The following GUCY1A2 variants were observed in gnomAD, a reference collection of about 807,000 sequenced individuals.
GUCY1A2 encodes the protein guanylate cyclase 1 soluble subunit alpha 2.
GUCY1A2 carries 27 observed loss-of-function variants against 63.5 expected under a neutral mutation model. The ratio of observed to expected loss-of-function variants is 0.43; its 90% CI spans 0.31 to 0.59. GUCY1A2 has a LOEUF of 0.59. Among genes scored for constraint, GUCY1A2 ranks in the 20% least tolerant of loss-of-function variants. The pLI, the probability that GUCY1A2 is intolerant of heterozygous loss-of-function variation, is 0.11. For synonymous variants in GUCY1A2, 364 were observed against 343.5 expected (o/e 1.06, Z -0.66); for missense variants, 768 against 913.3 (o/e 0.84, Z 2.05).
At chr11:106,993,924 T>A (rs1278817341) in intron 1 of GUCY1A2, among the ~76,000 whole-genome samples, 1 of 152,166 alleles carries the variant, frequency 6.6e-6, no homozygotes, top group Non-Finnish European at 1.5e-5. Context: ...GAAGTTCAGA[T>A]AATTAGTTAC....
chr11:106,979,193 C>T (rs1490346675), intron 2 of GUCY1A2, among the ~76,000 whole-genome samples: 3 of 152,276 alleles, frequency 2.0e-5, no homozygotes, highest in East Asian at 1.9e-4. Context: ...CGGTGGCTCA[C>T]GCCTGTAATC....
intron 3 of GUCY1A2, among the ~76,000 whole-genome samples, chr11:106,940,719 C>G (rs954528152): frequency 6.6e-6 from 1 of 152,112 alleles, no homozygotes; most frequent in Non-Finnish European, 1.5e-5. Context: ...CCTAAAAATC[C>G]TGTTTATCCC....
At chr11:106,817,449 AT>A (rs1435745503) in intron 4 of GUCY1A2, among the ~76,000 whole-genome samples, 3 of 152,104 alleles carry the variant, frequency 2.0e-5, no homozygotes, top group Non-Finnish European at 4.4e-5. Flanking sequence ...CTGAACAGCA[AT>A]TTTTTGGACA....
chr11:106,898,932 G>A (rs1860088485), intron 4 of GUCY1A2, among the ~76,000 whole-genome samples: 1 of 152,118 alleles, frequency 6.6e-6, no homozygotes, highest in African/African-American at 2.4e-5. Flanking sequence ...GATAATAGAA[G>A]GCTATGCCTG....
At chr11:106,696,301 T>C (rs186788087) in intron 7 of GUCY1A2, among the ~76,000 whole-genome samples, 5 of 152,310 alleles carry the variant, frequency 3.3e-5, no homozygotes, top group African/African-American at 1.2e-4. Flanking sequence ...GATATGTCTA[T>C]AGACAGAACT....
chr11:106,936,705 T>C, intron 4 of GUCY1A2: 2 of 1,497,992 alleles, frequency 1.3e-6, no homozygotes, highest in Non-Finnish European at 1.8e-6. Flanking sequence ...CTCGGTGACA[T>C]GCTTGCTCTT....
At chr11:106,772,996 A>G (rs1864284490) in intron 6 of GUCY1A2, among the ~76,000 whole-genome samples, 2 of 152,230 alleles carry the variant, frequency 1.3e-5, no homozygotes, top group Admixed American at 1.3e-4. Flanking sequence ...CATTTTCATC[A>G]CTGGTAGGAG....
chr11:106,933,277 T>C (rs1860628897), intron 4 of GUCY1A2, among the ~76,000 whole-genome samples: 1 of 151,906 alleles, frequency 6.6e-6, no homozygotes, highest in Non-Finnish European at 1.5e-5. Context: ...CCATTAAAAA[T>C]AGGCAAAATA....
chr11:106,980,978 T>G (rs551552387), intron 2 of GUCY1A2, among the ~76,000 whole-genome samples: 1 of 152,198 alleles, frequency 6.6e-6, no homozygotes, highest in Non-Finnish European at 1.5e-5. Flanking sequence ...CTGTAAAATG[T>G]GCTTAATACA....
At position 106,961,662 on chromosome 11, in the gene GUCY1A2, C is replaced by T. The variant is rs544956429; in HGVS notation, c.487+16957G>A. Among the ~76,000 whole-genome samples, 16 of 152,286 alleles carry T rather than the reference C, an allele frequency of 1.1e-4. 1 individual carries two copies. The South Asian group carries it at 2.1e-3, about 20-fold the overall frequency. Reference sequence around the variant, plus strand: ...TCTTAAGTGTGCTTCAAAAAAGAGTCACAATTAAAGAAGCAAGCTGACTTT... The same window carrying T: ...TCTTAAGTGTGCTTCAAAAAAGAGTTACAATTAAAGAAGCAAGCTGACTTT... On this transcript the variant is annotated intron_variant, in intron 3 of 7. Transcript: ENST00000526355.
In GUCY1A2 at chr11:106,679,934, T is replaced by A. The variant is rs1862405343; in HGVS notation, c.*7615A>T. 4.6e-6 allele frequency: 1 copy of A among 218,714 alleles called. No homozygotes were observed. The highest frequency in any genetic ancestry group is 1.8e-4 in the South Asian group (1 of 5,424). The allele number at this position is 218,714 out of a possible 1,614,324, so 13.5% of individuals were successfully genotyped here. A position where few individuals can be genotyped will look rare whatever the true frequency, so the allele number is the denominator to read the frequency against. On this transcript the variant is annotated 3_prime_UTR_variant, in exon 8 of 8. Coordinates refer to ENST00000526355, the MANE Select transcript of GUCY1A2 (RefSeq NM_000855.3). ...GGTTGGCACTACCTCCTAGGAAAAC[T>A]AAAAATGGCTTGTGAAGGGTTTCTC...
intron 4 of GUCY1A2, among the ~76,000 whole-genome samples, chr11:106,906,124 A>C (rs1860201646): frequency 1.3e-5 from 2 of 152,226 alleles, no homozygotes; most frequent in Admixed American, 1.3e-4. Flanking sequence ...GATTCTGTGC[A>C]GCAAAAGAAA....
chr11:106,892,003 G>C (rs1177034515), intron 4 of GUCY1A2, among the ~76,000 whole-genome samples: 3 of 152,038 alleles, frequency 2.0e-5, no homozygotes, highest in Non-Finnish European at 4.4e-5. Flanking sequence ...CTCAATGACA[G>C]TTTTTAAATC....
intron 6 of GUCY1A2, among the ~76,000 whole-genome samples, chr11:106,766,570 CAA>C (rs1227619227): frequency 1.3e-5 from 2 of 151,224 alleles, no homozygotes; most frequent in Non-Finnish European, 3.0e-5. Context: ...TTTTAGAAAA[CAA>C]ATAAAGAGAT....
chr11:106,680,735 G>A lies in GUCY1A2; in HGVS notation c.*6814C>T, dbSNP rs1172699788. 2 of 206,164 alleles carry A rather than the reference G, an allele frequency of 9.7e-6. No individual in the cohort carries two copies. The highest frequency in any genetic ancestry group is 2.0e-5 in the Non-Finnish European group (2 of 100,902). 12.8% of individuals were successfully genotyped at this position (206,164 alleles called of 1,614,324 possible). Reference sequence around the variant, plus strand: ...GAAATTTTCCAAACTGTGGGCAGGAGAATGCTAAAATTAAGTTTTGCTATG... The same window carrying A: ...GAAATTTTCCAAACTGTGGGCAGGAAAATGCTAAAATTAAGTTTTGCTATG... On this transcript the variant is annotated 3_prime_UTR_variant, in exon 8 of 8. Coordinates refer to ENST00000526355, the MANE Select transcript of GUCY1A2 (RefSeq NM_000855.3).
At chr11:106,763,130 A>G (rs1414995329) in intron 6 of GUCY1A2, among the ~76,000 whole-genome samples, 2 of 152,146 alleles carry the variant, frequency 1.3e-5, no homozygotes, top group Non-Finnish European at 2.9e-5. Flanking sequence ...ATTCATACGT[A>G]TATTTGGAAA....
intron 6 of GUCY1A2, among the ~76,000 whole-genome samples, chr11:106,736,641 GA>G (rs1324067308): frequency 6.6e-6 from 1 of 151,976 alleles, no homozygotes; most frequent in African/African-American, 2.4e-5. Context: ...ATATATTTCA[GA>G]ATTATTTTTT....
intron 4 of GUCY1A2, among the ~76,000 whole-genome samples, chr11:106,824,614 A>G (rs1858942852): frequency 6.6e-6 from 1 of 152,156 alleles, no homozygotes; most frequent in East Asian, 1.9e-4. Context: ...AACTTCTCTC[A>G]CAATGTAGCC....
At chr11:106,730,862 GA>G (rs1863491435) in intron 6 of GUCY1A2, among the ~76,000 whole-genome samples, 1 of 152,098 alleles carries the variant, frequency 6.6e-6, no homozygotes, top group South Asian at 2.1e-4. Context: ...TTTCTCTAAT[GA>G]TTAGTGATGT....
Sources: allele counts gnomAD v4.1 joint callset (sites outside exome capture counted in the v4.1 genomes callset), GRCh38; gene constraint gnomAD v4.1.1; transcripts MANE v1.5; gene names NCBI Gene and HGNC (gene_info 2026-07-23, HGNC 2026-07-21).